The following CCDC91 variants were observed in gnomAD, a reference collection of about 807,000 sequenced individuals.
CCDC91 encodes the protein coiled-coil domain-containing protein 91.
CCDC91 carries 48 observed loss-of-function variants against 63.2 expected under a neutral mutation model. The ratio of observed to expected loss-of-function variants is 0.76; its 90% confidence interval spans 0.60 to 0.97. CCDC91 has a LOEUF of 0.97. Ranked by LOEUF, CCDC91 falls within the 50% of genes least tolerant of loss-of-function variation. The pLI is 0.00. For synonymous variants in CCDC91, 167 were observed against 165.8 expected (o/e 1.01, Z -0.06); for missense variants, 500 against 494.6 (o/e 1.01, Z -0.10).
intron 8 of CCDC91, among the ~76,000 whole-genome samples, chr12:28,411,787 T>A (rs933071425): frequency 1.2e-4 from 18 of 152,112 alleles, no homozygotes; most frequent in African/African-American, 4.1e-4. Context: ...CATGAAAATC[T>A]AAAATGAAAA....
At chr12:28,248,233 G>A (rs1468825903) in intron 1 of CCDC91, among the ~76,000 whole-genome samples, 1 of 152,178 alleles carries the variant, frequency 6.6e-6, no homozygotes, top group East Asian at 1.9e-4. Context: ...TAAATTTGAG[G>A]TTGGTGGGGG....
chr12:28,450,635 G>T (rs1351385983), intron 10 of CCDC91, among the ~76,000 whole-genome samples: 7 of 151,572 alleles, frequency 4.6e-5, no homozygotes, highest in African/African-American at 1.7e-4. Context: ...TACAATGTAG[G>T]TTATTAGTTA....
intron 12 of CCDC91, among the ~76,000 whole-genome samples, chr12:28,519,518 T>C (rs1020939827): frequency 1.4e-4 from 21 of 152,064 alleles, no homozygotes; most frequent in African/African-American, 4.6e-4. Flanking sequence ...CAGTGTAACT[T>C]CCTCTTTACC....
chr12:28,514,996 C>G (rs1216448992), intron 12 of CCDC91, among the ~76,000 whole-genome samples: 1 of 151,712 alleles, frequency 6.6e-6, no homozygotes, highest in Non-Finnish European at 1.5e-5. Flanking sequence ...AACAAATATG[C>G]ACATAGACCC....
At chr12:28,454,382 T>G (rs1949961777) in intron 11 of CCDC91, among the ~76,000 whole-genome samples, 1 of 152,134 alleles carries the variant, frequency 6.6e-6, no homozygotes, top group Non-Finnish European at 1.5e-5. Flanking sequence ...CTGTGTTTGT[T>G]GTTGGCACCG....
chr12:28,294,937 T>C (rs1341687052), intron 3 of CCDC91, among the ~76,000 whole-genome samples: 4 of 152,174 alleles, frequency 2.6e-5, no homozygotes, highest in African/African-American at 9.7e-5. Flanking sequence ...TTTATAGCAA[T>C]GTGAGAATGA....
intron 8 of CCDC91, among the ~76,000 whole-genome samples, chr12:28,412,385 TAAG>T (rs1277474448): frequency 2.6e-5 from 4 of 152,202 alleles, no homozygotes; most frequent in Admixed American, 6.5e-5. Flanking sequence ...TGAAGGCAGT[TAAG>T]AAGAAGCAGA....
rs375825464 is a variant in CCDC91, at chr12:28,460,617, A to C, written c.1101+7963A>C. 5.9e-5 allele frequency among the ~76,000 whole-genome samples: 9 copies of C among 152,250 alleles called. No homozygotes were observed. In the East Asian group the frequency reaches 1.7e-3, roughly 29 times the overall value. On this transcript the variant is annotated intron_variant, in intron 11 of 12. Coordinates refer to ENST00000536442, the MANE Select transcript of CCDC91 (RefSeq NM_018318.5). ...AGCTTAGAAACCATAACTATCATGCAAATGTTAGGTGGTATTGTGACAAAG... is the reference window on the plus strand; with the variant it reads ...AGCTTAGAAACCATAACTATCATGCCAATGTTAGGTGGTATTGTGACAAAG...
At chr12:28,541,206 G>C (rs1380884587) in intron 12 of CCDC91, among the ~76,000 whole-genome samples, 1 of 152,158 alleles carries the variant, frequency 6.6e-6, no homozygotes, top group Non-Finnish European at 1.5e-5. Context: ...ATAGCAGGGA[G>C]CAAGTACTAC....
chr12:28,458,829 T>C (rs1950178198), intron 11 of CCDC91, among the ~76,000 whole-genome samples: 1 of 152,158 alleles, frequency 6.6e-6, no homozygotes, highest in African/African-American at 2.4e-5. Flanking sequence ...AATATTCTTA[T>C]TGCTTACCTT....
chr12:28,459,713 C>G (rs989194353), intron 11 of CCDC91, among the ~76,000 whole-genome samples: 3 of 152,096 alleles, frequency 2.0e-5, no homozygotes, highest in African/African-American at 7.2e-5. Context: ...TATATTTGCT[C>G]TACAGTGATG....
chr12:28,501,000 TA>T (rs1937763425), intron 12 of CCDC91, among the ~76,000 whole-genome samples: 1 of 151,720 alleles, frequency 6.6e-6, no homozygotes, highest in Non-Finnish European at 1.5e-5. Context: ...AGATGCCCTT[TA>T]TATAGTCATT....
chr12:28,391,349 AAAC>A lies in CCDC91; in HGVS notation c.702_704del (p.Gln235del). 1 of 1,613,322 alleles carries A rather than the reference AAAC, an allele frequency of 6.2e-7. No homozygotes were observed. The highest frequency in any genetic ancestry group is 8.5e-7 in the Non-Finnish European group (1 of 1,179,404). On this transcript the variant is annotated inframe_deletion, in exon 8 of 13. Coordinates refer to ENST00000536442, the MANE Select transcript of CCDC91 (RefSeq NM_018318.5). ...TAAGCAACAAGTAGAAGCTATTGAA[AAAC>A]AGTACATTTCTGCAATTGAGAAACA...
chr12:28,505,729 G>C (rs1938629667), intron 12 of CCDC91, among the ~76,000 whole-genome samples: 1 of 151,912 alleles, frequency 6.6e-6, no homozygotes. Flanking sequence ...AATAATGAAA[G>C]CTTCTGTATC....
At chr12:28,390,729 C>T (rs1038841509) in intron 7 of CCDC91, among the ~76,000 whole-genome samples, 1 of 152,058 alleles carries the variant, frequency 6.6e-6, no homozygotes, top group Admixed American at 6.6e-5. Context: ...CCTACTTTGA[C>T]TTATACCTTT....
At chr12:28,432,794 T>C (rs1158789683) in intron 8 of CCDC91, among the ~76,000 whole-genome samples, 1 of 152,080 alleles carries the variant, frequency 6.6e-6, no homozygotes. Context: ...TAAGAAACTG[T>C]TAAACTCTCT....
At chr12:28,217,545 A>G (rs1943643603) in intron 1 of CCDC91, among the ~76,000 whole-genome samples, 1 of 152,176 alleles carries the variant, frequency 6.6e-6, no homozygotes, top group Admixed American at 6.5e-5. Flanking sequence ...TGTGCCACAA[A>G]GGGACAGAAT....
intron 11 of CCDC91, among the ~76,000 whole-genome samples, chr12:28,475,692 A>C (rs1418897898): frequency 6.6e-6 from 1 of 151,832 alleles, no homozygotes; most frequent in Admixed American, 6.6e-5. Flanking sequence ...CATGTAATGT[A>C]TTCTACCATG....
chr12:28,316,371 G>A (rs756902980), intron 6 of CCDC91, among the ~76,000 whole-genome samples: 1 of 151,400 alleles, frequency 6.6e-6, no homozygotes, highest in Non-Finnish European at 1.5e-5. Context: ...TTTCTGAAAT[G>A]ATTTATTCTG....
Sources: gnomAD v4.1 joint callset for allele counts (sites outside exome capture counted in the v4.1 genomes callset) on GRCh38, gnomAD v4.1.1 for gene constraint, MANE v1.5 for transcripts, NCBI Gene and HGNC (gene_info 2026-07-23, HGNC 2026-07-21) for gene names.